The following SLC44A1 variants were observed in gnomAD, a reference collection of about 807,000 sequenced individuals.
SLC44A1 encodes choline transporter-like protein 1.
In SLC44A1, 26 loss-of-function variants were observed where a neutral mutation model predicts 79.3. The ratio of observed to expected loss-of-function variants is 0.33; its 90% CI spans 0.24 to 0.46. The LOEUF (loss-of-function observed/expected upper bound fraction) is 0.46. Ranked by LOEUF, SLC44A1 falls within the 20% of genes least tolerant of loss-of-function variation. The probability of loss-of-function intolerance (pLI) is 1.00; values close to 1 mark genes in which losing one functional copy is unlikely to be tolerated. For missense variants in SLC44A1, 688 were observed against 798.1 expected, an observed-to-expected ratio of 0.86 and a Z score of 1.66; for synonymous variants, 263 against 286.2, an observed-to-expected ratio of 0.92 and a Z score of 0.82.
intron 4 of SLC44A1, 86 bp from the exon 5 acceptor site, chr9:105,348,271 AT>A (rs1420199467): frequency 1.4e-6 from 1 of 695,448 alleles, no homozygotes; most frequent in African/African-American, 1.8e-5. Context: ...GGAAAGTTGC[AT>A]ATGTTGAATA....
Position 105,392,397 on chromosome 9 carries a change from CTCTCTCTTTTTTTTTT to C in SLC44A1, c.*3343_*3358del. 1 of 874,600 alleles carries C rather than the reference CTCTCTCTTTTTTTTTT, an allele frequency of 1.1e-6. No individual in the cohort carries two copies. The highest frequency in any genetic ancestry group is 1.3e-6 in the Non-Finnish European group (1 of 763,954). 54.2% of individuals were successfully genotyped at this position (874,600 alleles called of 1,614,324 possible). ...TCTTTTGTAGAGATGCTCTCTCTCTCTCTCTCTTTTTTTTTTTTTTTTTTTTTTTTTTTCCGTGAGG... is the reference window on the plus strand; with the variant it reads ...TCTTTTGTAGAGATGCTCTCTCTCTCTTTTTTTTTTTTTTTTTCCGTGAGG... On this transcript the variant is annotated 3_prime_UTR_variant, in exon 16 of 16. Coordinates refer to ENST00000374720, the MANE Select transcript of SLC44A1 (RefSeq NM_080546.5).
chr9:105,372,808 G>A (rs1405563286), intron 12 of SLC44A1, among the ~76,000 whole-genome samples: 2 of 147,284 alleles, frequency 1.4e-5, no homozygotes, highest in African/African-American at 4.9e-5. Flanking sequence ...AAATTAGCCG[G>A]GCGTAGTGGC....
intron 3 of SLC44A1, among the ~76,000 whole-genome samples, chr9:105,325,636 C>T (rs1230388729): frequency 6.6e-6 from 1 of 152,130 alleles, no homozygotes. Flanking sequence ...ATTCATTAAT[C>T]CATTAACAAG....
chr9:105,306,527 T>A (rs1260262257), intron 2 of SLC44A1, among the ~76,000 whole-genome samples: 2 of 151,830 alleles, frequency 1.3e-5, no homozygotes, highest in Non-Finnish European at 2.9e-5. Flanking sequence ...TTTTTTCCCA[T>A]CTTATTAGCT....
Position 105,396,614 on chromosome 9 carries a change from A to G in SLC44A1, c.*7558A>G, listed in dbSNP as rs1189510362. The G allele has an allele frequency of 1.0e-6, 1 of 985,318 alleles. No homozygotes were observed. The highest frequency in any genetic ancestry group is 6.2e-5 in the Admixed American group (1 of 16,256). 61.0% of individuals were successfully genotyped at this position (985,318 alleles called of 1,614,324 possible). On this transcript the variant is annotated 3_prime_UTR_variant, in exon 16 of 16. Transcript: ENST00000374720. ...AGCCCAGCCCAGCATATGGGGTGAT[A>G]TGAGCAGAAAACACACATCGGTGTG...
At chr9:105,280,123 C>T (rs932354410) in intron 1 of SLC44A1, among the ~76,000 whole-genome samples, 3 of 152,078 alleles carry the variant, frequency 2.0e-5, no homozygotes, top group Admixed American at 6.5e-5. Context: ...TTAAATTTAA[C>T]GTGATTTGAG....
intron 1 of SLC44A1, among the ~76,000 whole-genome samples, chr9:105,269,961 T>C (rs772655702): frequency 6.6e-6 from 1 of 152,234 alleles, no homozygotes; most frequent in African/African-American, 2.4e-5. Flanking sequence ...TGAAACAGTT[T>C]ACTCACCTAC....
intron 1 of SLC44A1, among the ~76,000 whole-genome samples, chr9:105,284,545 T>A (rs1020497338): frequency 2.0e-5 from 3 of 152,202 alleles, no homozygotes. Context: ...GGATTGAAAG[T>A]CAGCACCTTA....
At chr9:105,300,376 T>C (rs564564316) in intron 2 of SLC44A1, among the ~76,000 whole-genome samples, 27 of 152,358 alleles carry the variant, frequency 1.8e-4, no homozygotes, top group Non-Finnish European at 3.1e-4. Context: ...TACTCATGTG[T>C]ATTTTTAACC....
At chr9:105,373,216 A>G (rs1828168377) in intron 12 of SLC44A1, among the ~76,000 whole-genome samples, 1 of 152,184 alleles carries the variant, frequency 6.6e-6, no homozygotes, top group African/African-American at 2.4e-5. Context: ...TTTATCTCCA[A>G]CAGTTTCCCA....
chr9:105,248,138 T>C (rs1829501791), intron 1 of SLC44A1, among the ~76,000 whole-genome samples: 1 of 152,236 alleles, frequency 6.6e-6, no homozygotes, highest in African/African-American at 2.4e-5. Flanking sequence ...GCAGTTCAGT[T>C]TAGCTTTTCT....
intron 15 of SLC44A1, chr9:105,438,164 C>A: frequency 1.3e-6 from 1 of 769,620 alleles, no homozygotes; most frequent in Non-Finnish European, 2.2e-6. Context: ...AGCCTTCTTA[C>A]ATTTCATAAT....
intron 15 of SLC44A1, among the ~76,000 whole-genome samples, chr9:105,407,403 T>C (rs894098321): frequency 6.6e-6 from 1 of 152,258 alleles, no homozygotes; most frequent in South Asian, 2.1e-4. Context: ...CAAAGAAACA[T>C]AGAAAATATT....
At chr9:105,297,365 T>G (rs1268170410) in intron 1 of SLC44A1, among the ~76,000 whole-genome samples, 1 of 152,184 alleles carries the variant, frequency 6.6e-6, no homozygotes, top group Non-Finnish European at 1.5e-5. Context: ...GAAAATTATG[T>G]GAATATATGC....
intron 15 of SLC44A1, among the ~76,000 whole-genome samples, 199 bp from the exon 16 acceptor site, chr9:105,388,834 T>C (rs949706454): frequency 2.6e-5 from 4 of 152,216 alleles, no homozygotes; most frequent in African/African-American, 9.6e-5. Flanking sequence ...ATGCTCTGTG[T>C]ATCTCAGAGA....
At chr9:105,265,803 TG>T (rs1476085538) in intron 1 of SLC44A1, among the ~76,000 whole-genome samples, 1 of 152,240 alleles carries the variant, frequency 6.6e-6, no homozygotes, top group Non-Finnish European at 1.5e-5. Flanking sequence ...TTTTTTAAAT[TG>T]TTGGCATAGA....
chr9:105,361,238 C>T lies in SLC44A1; in HGVS notation c.808C>T (p.Pro270Ser), dbSNP rs754810953. The change falls in exon 8 of 16, where the codon CCC (proline) becomes TCC (serine). Residue 270 changes from proline (P) to serine (S), a missense_variant. Physicochemically the swap from Pro to Ser is moderately conservative, Grantham distance 74. Coordinates refer to ENST00000374720, the MANE Select transcript of SLC44A1 (RefSeq NM_080546.5). The stretch of plus-strand genomic sequence containing the variant: ...GCTGTATGCAAAGCAAAGAAGGTCT[C>T]CCAAAGAAACTGTTACTCCTGAGCA... ...WWLYAKQRRS[P>S]KETVTPEQLQ... 6.2e-7 allele frequency: 1 copy of T among 1,614,064 alleles called. No individual in the cohort carries two copies. Among genetic ancestry groups the T allele is most frequent in the South Asian group, 1.1e-5 (1 of 91,074 alleles).
chr9:105,251,950 C>T (rs774426173), intron 1 of SLC44A1, among the ~76,000 whole-genome samples: 33 of 151,816 alleles, frequency 2.2e-4, no homozygotes, highest in Non-Finnish European at 4.1e-4. Flanking sequence ...AACTACAGCC[C>T]ATGGGCCAAA....
At chr9:105,350,138 C>T (rs956783749) in intron 5 of SLC44A1, among the ~76,000 whole-genome samples, 5 of 152,116 alleles carry the variant, frequency 3.3e-5, no homozygotes, top group African/African-American at 4.8e-5. Context: ...TGAAAACTGA[C>T]GGCATGCTGT....
Sources: allele counts gnomAD v4.1 joint callset (sites outside exome capture counted in the v4.1 genomes callset), GRCh38; gene constraint gnomAD v4.1.1; transcripts MANE v1.5; gene names NCBI Gene and HGNC (gene_info 2026-07-23, HGNC 2026-07-21).